Variants in ME3 observed in about 807,000 individuals in gnomAD.
The protein encoded by ME3 is NADP-dependent malic enzyme, mitochondrial.
Under a neutral mutation model 68.9 loss-of-function variants are expected in ME3, and 48 were observed. That is an observed-to-expected ratio of 0.70 (90% CI 0.55 to 0.89). ME3 has a LOEUF of 0.89. ME3 is among the 40% of genes least tolerant of loss of function. The pLI is 0.00. For missense variants in ME3, 675 were observed against 797.4 expected (o/e 0.85, Z 1.85); for synonymous variants, 320 against 318.8 (o/e 1.00, Z -0.04).
At chr11:86,648,887 G>A (rs1196069454) in intron 2 of ME3, among the ~76,000 whole-genome samples, 1 of 152,118 alleles carries the variant, frequency 6.6e-6, no homozygotes, top group Non-Finnish European at 1.5e-5. Context: ...TTCCACCAGA[G>A]GTACAAAGAG....
intron 2 of ME3, among the ~76,000 whole-genome samples, chr11:86,610,070 A>T (rs1230010770): frequency 6.6e-6 from 1 of 152,174 alleles, no homozygotes; most frequent in Non-Finnish European, 1.5e-5. Context: ...ATAATGTCTA[A>T]CATGTTTAAA....
chr11:86,578,778 TTGTAACAAC>T (rs1367494355), intron 2 of ME3, among the ~76,000 whole-genome samples: 6 of 152,110 alleles, frequency 3.9e-5, no homozygotes, highest in African/African-American at 1.4e-4. Flanking sequence ...TGGACTGAAT[TTGTAACAAC>T]TGTTTACACT....
chr11:86,624,097 A>T (rs1943513912), intron 2 of ME3, among the ~76,000 whole-genome samples: 1 of 152,148 alleles, frequency 6.6e-6, no homozygotes, highest in South Asian at 2.1e-4. Flanking sequence ...TCGGAAGTTT[A>T]ATATAAACTT....
chr11:86,558,212 T>C (rs1957028194), intron 3 of ME3, among the ~76,000 whole-genome samples: 1 of 152,190 alleles, frequency 6.6e-6, no homozygotes, highest in African/African-American at 2.4e-5. Context: ...GGAAAGAGGA[T>C]TTCACTTTGG....
intron 4 of ME3, among the ~76,000 whole-genome samples, chr11:86,549,715 TGA>T (rs1249221637): frequency 6.6e-6 from 1 of 152,134 alleles, no homozygotes; most frequent in Non-Finnish European, 1.5e-5. Flanking sequence ...GTCAAGAGGA[TGA>T]GAGTGAAACT....
intron 2 of ME3, among the ~76,000 whole-genome samples, chr11:86,566,975 T>C: frequency 6.6e-6 from 1 of 152,010 alleles, no homozygotes; most frequent in East Asian, 1.9e-4. Context: ...CCCAGCACTT[T>C]GGGAGGCTGA....
intron 2 of ME3, among the ~76,000 whole-genome samples, chr11:86,581,552 T>C (rs1958444343): frequency 6.6e-6 from 1 of 152,220 alleles, no homozygotes; most frequent in Non-Finnish European, 1.5e-5. Flanking sequence ...GCATTTTAAG[T>C]GAAGCAGTTT....
intron 8 of ME3, 149 bp from the exon 9 acceptor site, chr11:86,450,547 G>A (rs1949571832): frequency 3.3e-6 from 2 of 597,498 alleles, no homozygotes; most frequent in South Asian, 2.1e-5. Context: ...AAGTTTTGGT[G>A]CAAATCCATG....
chr11:86,494,924 CTATCTT>C (rs1162311068), intron 6 of ME3, among the ~76,000 whole-genome samples: 7 of 152,116 alleles, frequency 4.6e-5, no homozygotes, highest in Non-Finnish European at 1.0e-4. Flanking sequence ...TAGGTAATAA[CTATCTT>C]TATGTATAGG....
At chr11:86,498,195 C>A (rs1952488889) in intron 5 of ME3, 71 bp from the exon 6 acceptor site, 1 of 1,514,484 alleles carries the variant, frequency 6.6e-7, no homozygotes, top group South Asian at 1.3e-5. Flanking sequence ...TTAGCAGCCC[C>A]AGCCCATCAG....
chr11:86,653,586 A>G (rs1945631177), intron 2 of ME3, among the ~76,000 whole-genome samples: 1 of 152,258 alleles, frequency 6.6e-6, no homozygotes, highest in South Asian at 2.1e-4. Context: ...TCTGGGACAC[A>G]TTCAAAGTAG....
intron 4 of ME3, among the ~76,000 whole-genome samples, chr11:86,528,872 T>C (rs1458994877): frequency 1.3e-5 from 2 of 151,390 alleles, no homozygotes; most frequent in Admixed American, 1.3e-4. Context: ...TAGAGGGAAA[T>C]TTATAGCACT....
chr11:86,534,917 G>A (rs1031243093), intron 4 of ME3, among the ~76,000 whole-genome samples: 1 of 143,630 alleles, frequency 7.0e-6, no homozygotes, highest in African/African-American at 2.6e-5. Flanking sequence ...CTTGTAAGTA[G>A]TTTTAAAATG....
intron 2 of ME3, among the ~76,000 whole-genome samples, chr11:86,635,400 C>T (rs1944271925): frequency 1.3e-5 from 2 of 152,212 alleles, no homozygotes; most frequent in South Asian, 4.1e-4. Flanking sequence ...TCCTAGACTT[C>T]CAGCCTCCAG....
intron 6 of ME3, chr11:86,489,079 T>G (rs1951849794): frequency 6.6e-6 from 1 of 152,194 alleles, no homozygotes; most frequent in African/African-American, 2.4e-5. Flanking sequence ...ATTCCATGGG[T>G]TAGTTTCCTG....
chr11:86,599,453 A>G (rs1334086694), intron 2 of ME3, among the ~76,000 whole-genome samples: 3 of 152,222 alleles, frequency 2.0e-5, no homozygotes, highest in Non-Finnish European at 4.4e-5. Context: ...GGACTATCTG[A>G]AAAGACCAAA....
chr11:86,575,800 C>G (rs1240781430), intron 2 of ME3, among the ~76,000 whole-genome samples: 1 of 152,220 alleles, frequency 6.6e-6, no homozygotes, highest in Non-Finnish European at 1.5e-5. Context: ...CAATACAATG[C>G]TAGTACATAG....
intron 2 of ME3, among the ~76,000 whole-genome samples, chr11:86,654,514 G>A (rs1291873140): frequency 6.6e-6 from 1 of 152,182 alleles, no homozygotes; most frequent in Non-Finnish European, 1.5e-5. Flanking sequence ...TATCTCAATA[G>A]ATGCAGAAAA....
intron 2 of ME3, among the ~76,000 whole-genome samples, chr11:86,663,697 G>C (rs1337273360): frequency 2.0e-5 from 3 of 152,152 alleles, no homozygotes; most frequent in Non-Finnish European, 4.4e-5. Context: ...GGAAAGAAAA[G>C]AGTAGATGAT....
Sources: allele counts gnomAD v4.1 joint callset (sites outside exome capture counted in the v4.1 genomes callset), GRCh38; gene constraint gnomAD v4.1.1; transcripts MANE v1.5; gene names NCBI Gene and HGNC (gene_info 2026-07-23, HGNC 2026-07-21).